The following ADAD2 variants were observed in gnomAD, a reference collection of about 807,000 sequenced individuals.
ADAD2 encodes adenosine deaminase domain-containing protein 2.
ADAD2 carries 60 observed loss-of-function variants against 54.5 expected under a neutral mutation model. The observed-to-expected ratio is 1.10, with a 90% CI of 0.89 to 1.36. The LOEUF (loss-of-function observed/expected upper bound fraction) is 1.36, where lower values mean the gene tolerates loss of function less well. Ranked by LOEUF, ADAD2 falls within the 40% of genes most tolerant of loss-of-function variation. The pLI, the probability that ADAD2 is intolerant of heterozygous loss-of-function variation, is 0.00. For synonymous variants in ADAD2, 543 were observed against 366.2 expected (o/e 1.48, Z -5.51); for missense variants, 1,103 against 801.3 (o/e 1.38, Z -4.54).
rs942552482 is a variant in ADAD2, at chr16:84,191,498, C to A, written c.268C>A (p.Gln90Lys). 3 of 1,541,804 alleles carry A rather than the reference C, an allele frequency of 1.9e-6. No individual in the cohort carries two copies. The highest frequency in any genetic ancestry group is 2.4e-5 in the South Asian group (2 of 83,814). Residue 90 changes from glutamine to lysine, a missense_variant, in exon 1 of 10, where the codon CAG becomes AAG. Coordinates refer to ENST00000315906, the MANE Select transcript of ADAD2 (RefSeq NM_001145400.2). ...CCGGGCGTGGGAAAACTTGGGGGAA[C>A]AGATGGGGAAGGCCCCGAGGGTCCC... ...AARAWENLGEQMGKAPRVPVP... is the reference protein window; with the variant it reads ...AARAWENLGEKMGKAPRVPVP...
chr16:84,191,224 G>C lies in ADAD2; in HGVS notation c.-7G>C. 2 of 1,606,676 alleles carry C rather than the reference G, an allele frequency of 1.2e-6. No individual in the cohort carries two copies. Among genetic ancestry groups the C allele is most frequent in the Admixed American group, 1.7e-5 (1 of 59,452 alleles). ...GGGCCTAGCGCCTCAGATCTTCGTT[G>C]GCGGCCATGGCTTCGGCTTCTCAGG... is the stretch of plus-strand genomic sequence containing the variant. On this transcript the variant is annotated 5_prime_UTR_variant, in exon 1 of 10. Transcript: ENST00000315906.
At position 84,191,432 on chromosome 16, in the gene ADAD2, G is replaced by C; in HGVS notation, c.202G>C (p.Gly68Arg). ...WPQVSVLRDS[G>R]PGAGAGVGEL... is the part of the protein sequence containing the mutation. Reference sequence around the variant, plus strand: ...CCAGGTCTCGGTGTTGAGGGACAGTGGGCCTGGGGCAGGGGCCGGAGTCGG... The same window carrying C: ...CCAGGTCTCGGTGTTGAGGGACAGTCGGCCTGGGGCAGGGGCCGGAGTCGG... The change falls in exon 1 of 10, where the codon GGG becomes CGG. Residue 68 changes from glycine (G) to arginine (R), a missense_variant. Physicochemically the swap from Gly to Arg is moderately radical, Grantham distance 125. Coordinates refer to ENST00000315906, the MANE Select transcript of ADAD2 (RefSeq NM_001145400.2). The C allele has an allele frequency of 6.6e-7, 1 of 1,507,848 alleles. No homozygotes were observed. Among genetic ancestry groups the C allele is most frequent in the Non-Finnish European group, 8.8e-7 (1 of 1,131,522 alleles). 93.4% of individuals were successfully genotyped at this position (1,507,848 alleles called of 1,614,324 possible).
chr16:84,195,816 C>G lies in ADAD2; in HGVS notation c.1054C>G (p.Leu352Val). The change falls in exon 7 of 10, where the codon CTG becomes GTG. Residue 352 changes from leucine (L) to valine (V), a missense_variant and splice_region_variant. Physicochemically the swap from Leu to Val is conservative, Grantham distance 32. Transcript: ENST00000315906. ...TGTCTGTCCCCACCCGGCCCGCAGC[C>G]TGCCCCCCACCTCGGAAGGTGGCCT... is the stretch of plus-strand genomic sequence containing the variant. ...TPKGAARDIY[L>V]PPTSEGGLPH... 1 of 1,601,384 alleles carries G rather than the reference C, an allele frequency of 6.2e-7. No homozygotes were observed.
rs758164102 is a variant in ADAD2 at position 84,195,284 on chromosome 16, C to G, written c.734-12C>G. 6.2e-6 allele frequency: 10 copies of G among 1,612,098 alleles called. No homozygotes were observed. The highest frequency in any genetic ancestry group is 5.3e-5 in the African/African-American group (4 of 74,942). On this transcript the variant is annotated splice_polypyrimidine_tract_variant and intron_variant, in intron 4 of 9. Coordinates refer to ENST00000315906, the MANE Select transcript of ADAD2 (RefSeq NM_001145400.2). ...GCCTTAGGCTGGGCCGTCTCTGCCCCCTCCTGCACAGAGATCCCGCGTGCC... is the reference window on the plus strand; with the variant it reads ...GCCTTAGGCTGGGCCGTCTCTGCCCGCTCCTGCACAGAGATCCCGCGTGCC...
chr16:84,191,172 G>A lies in ADAD2; in HGVS notation c.-59G>A. The A allele has an allele frequency of 6.4e-7, 1 of 1,559,950 alleles. No homozygotes were observed. On this transcript the variant is annotated 5_prime_UTR_variant, in exon 1 of 10. The change creates a new upstream start codon in the 5' untranslated region. Coordinates refer to ENST00000315906, the MANE Select transcript of ADAD2 (RefSeq NM_001145400.2). ...ACGTGAAGGCACCCGCCCTGCGCGT[G>A]TGAAAGGGCGAGAGCAGCGCGAGAT...
Position 84,194,500 on chromosome 16 carries a change from C to A in ADAD2, c.477C>A (p.Gly159=), listed in dbSNP as rs139984142. The change falls in exon 2 of 10, where the codon GGC becomes GGA. Residue 159 remains glycine (G), a synonymous_variant. Transcript: ENST00000315906. ...TGGATGGGGTGGTCTGCCCTGCGGG[C>A]ACTGCGAATAGCAAGACGGAGGCCA... is the stretch of plus-strand genomic sequence containing the variant. ...AELDGVVCPA[G]TANSKTEAKQ... is the part of the protein sequence containing the mutation. The A allele has an allele frequency of 1.2e-6, 2 of 1,612,196 alleles. No homozygotes were observed. Among genetic ancestry groups the A allele is most frequent in the Non-Finnish European group, 1.7e-6 (2 of 1,179,732 alleles).
intron 6 of ADAD2, 55 bp downstream of exon 6, chr16:84,195,752 G>A: frequency 5.2e-6 from 8 of 1,536,272 alleles, no homozygotes; most frequent in Non-Finnish European, 6.1e-6. Flanking sequence ...TTGGGCTGCT[G>A]GGTGGGGGCC....
intron 9 of ADAD2, 43 bp from the exon 10 acceptor site, chr16:84,196,827 T>C (rs1278914102): frequency 6.5e-7 from 1 of 1,532,488 alleles, no homozygotes; most frequent in South Asian, 1.1e-5. Flanking sequence ...CCCTGCCCCC[T>C]GCAGGTACCT....
At position 84,195,910 on chromosome 16, in the gene ADAD2, C is replaced by T. The variant is rs144157576; in HGVS notation, c.1148C>T (p.Ala383Val). 53 of 1,600,696 alleles carry T rather than the reference C, an allele frequency of 3.3e-5. No homozygotes were observed. Among genetic ancestry groups the T allele is most frequent in the Admixed American group, 1.3e-4 (8 of 59,934 alleles). The change falls in exon 7 of 10, where the codon GCG (alanine) becomes GTG (valine). Residue 383 changes from alanine to valine, a missense_variant. Physicochemically the swap from Ala to Val is moderately conservative, Grantham distance 64. Transcript: ENST00000315906. ...CAGCTGAAGCCTGTGTGCTACGTGG[C>T]GCCCTCGCTCTGTGACACCCACGTG... The part of the protein sequence containing the change: ...LGQLKPVCYV[A>V]PSLCDTHVGC...
rs775803233 is a variant in ADAD2, at chr16:84,194,454, C to T, written c.431C>T (p.Pro144Leu). ...GCTCCTTCCCCAGGTCCCTGCTTCC[C>T]CTTCTCGGTGAGCGCGGAACTGGAT... ...REDQPPGPCFPFSVSAELDGV... is the reference protein window; with the variant it reads ...REDQPPGPCFLFSVSAELDGV... The change falls in exon 2 of 10, where the codon CCC (proline) becomes CTC (leucine). Residue 144 changes from proline (P) to leucine (L), a missense_variant. By Grantham distance (98) the Pro-to-Leu change is moderately conservative. Coordinates refer to ENST00000315906, the MANE Select transcript of ADAD2 (RefSeq NM_001145400.2). The T allele has an allele frequency of 1.9e-6, 3 of 1,606,142 alleles. No homozygotes were observed. Among genetic ancestry groups the T allele is most frequent in the African/African-American group, 1.3e-5 (1 of 74,864 alleles).
chr16:84,191,538 G>A lies in ADAD2; in HGVS notation c.308G>A (p.Gly103Glu). The A allele has an allele frequency of 2.6e-6, 4 of 1,547,594 alleles. No individual in the cohort carries two copies. The highest frequency in any genetic ancestry group is 3.5e-6 in the Non-Finnish European group (4 of 1,146,728). ...CCGAGGGTCCCTGTGCCCCCAGCAGGGCTCAGCCTGCCGCTCAAAGACCCA... is the reference window on the plus strand; with the variant it reads ...CCGAGGGTCCCTGTGCCCCCAGCAGAGCTCAGCCTGCCGCTCAAAGACCCA... Reference protein sequence around the residue: ...KAPRVPVPPAGLSLPLKDPPA... With the variant: ...KAPRVPVPPAELSLPLKDPPA... The change falls in exon 1 of 10, where the codon GGG becomes GAG. Residue 103 changes from glycine to glutamate, a missense_variant. By Grantham distance (98) the Gly-to-Glu change is moderately conservative (BLOSUM62 -2). Coordinates refer to ENST00000315906, the MANE Select transcript of ADAD2 (RefSeq NM_001145400.2).
At chr16:84,196,592 C>A in intron 8 of ADAD2, 55 bp from the exon 9 acceptor site, 3 of 1,594,972 alleles carry the variant, frequency 1.9e-6, no homozygotes, top group Non-Finnish European at 2.6e-6. Context: ...GTGTAGCAGG[C>A]CTGCTGGTCC....
Position 84,195,810 on chromosome 16 carries a change from C to G in ADAD2, c.1053-5C>G, listed in dbSNP as rs74961539. ...AGCTGATGTCTGTCCCCACCCGGCC[C>G]GCAGCCTGCCCCCCACCTCGGAAGG... On this transcript the variant is annotated splice_region_variant and splice_polypyrimidine_tract_variant and intron_variant, in intron 6 of 9. Transcript: ENST00000315906. 1 of 1,597,078 alleles carries G rather than the reference C, an allele frequency of 6.3e-7. No individual in the cohort carries two copies. Among genetic ancestry groups the G allele is most frequent in the African/African-American group, 1.3e-5 (1 of 74,464 alleles).
intron 1 of ADAD2, 176 bp from the exon 2 acceptor site, chr16:84,194,266 C>A: frequency 6.4e-7 from 1 of 1,552,688 alleles, no homozygotes; most frequent in Non-Finnish European, 8.7e-7. Context: ...CCTGCAGAGG[C>A]ACTCAAGGGT....
Position 84,195,295 on chromosome 16 carries a change from G to A in ADAD2, c.734-1G>A. 6.2e-7 allele frequency: 1 copy of A among 1,611,954 alleles called. No individual in the cohort carries two copies. The highest frequency in any genetic ancestry group is 8.5e-7 in the Non-Finnish European group (1 of 1,179,884). On this transcript the variant is annotated splice_acceptor_variant, in intron 4 of 9. Coordinates refer to ENST00000315906, the MANE Select transcript of ADAD2 (RefSeq NM_001145400.2). LOFTEE classifies it high-confidence loss of function. ...GGCCGTCTCTGCCCCCTCCTGCACA[G>A]AGATCCCGCGTGCCAGGGGCCACGT...
intron 2 of ADAD2, 157 bp from the exon 3 acceptor site, chr16:84,194,776 T>C (rs1186341284): frequency 7.9e-7 from 1 of 1,266,772 alleles, no homozygotes; most frequent in Non-Finnish European, 1.1e-6. Context: ...TTTCACGTCC[T>C]CTGGGGACAC....
In ADAD2 at chr16:84,196,863, G is replaced by T. The variant is rs188345344; in HGVS notation, c.1648-7G>T. 2.5e-6 allele frequency: 4 copies of T among 1,587,588 alleles called. No individual in the cohort carries two copies. The highest frequency in any genetic ancestry group is 2.3e-5 in the East Asian group (1 of 43,994). Reference sequence around the variant, plus strand: ...CCTCTCACCCCACCTCTCATCTCCCGCCCTAGGCTGGGCCCTACCAGGAGG... The same window carrying T: ...CCTCTCACCCCACCTCTCATCTCCCTCCCTAGGCTGGGCCCTACCAGGAGG... On this transcript the variant is annotated splice_polypyrimidine_tract_variant and splice_region_variant and intron_variant, in intron 9 of 9. Coordinates refer to ENST00000315906, the MANE Select transcript of ADAD2 (RefSeq NM_001145400.2).
At chr16:84,195,234 T>A (rs1404389356) in intron 4 of ADAD2, 40 bp downstream of exon 4, 3 of 1,610,190 alleles carry the variant, frequency 1.9e-6, no homozygotes, top group Non-Finnish European at 8.5e-7. Flanking sequence ...CCCGGCCCCC[T>A]GGGAAGGGCC....
chr16:84,195,180 T>A lies in ADAD2; in HGVS notation c.719T>A (p.Val240Asp). 1 of 1,612,808 alleles carries A rather than the reference T, an allele frequency of 6.2e-7. No homozygotes were observed. ...YWACKGTVAG[V>D]ILEREIPRAR... ...GCCTGTAAGGGGACTGTGGCTGGAG[T>A]CATCCTGGAGAGGGGTAGGGATCGC... The change falls in exon 4 of 10, where the codon GTC (valine) becomes GAC (aspartate). Residue 240 changes from valine to aspartate, a missense_variant. Coordinates refer to ENST00000315906, the MANE Select transcript of ADAD2 (RefSeq NM_001145400.2).
Sources: allele counts gnomAD v4.1 joint callset, GRCh38; gene constraint gnomAD v4.1.1; transcripts MANE v1.5; gene names NCBI Gene and HGNC (gene_info 2026-07-23, HGNC 2026-07-21).